SH3GL1: variants seen among roughly 807,000 people sequenced by gnomAD.
The protein encoded by SH3GL1 is SH3 domain containing GRB2 like 1, endophilin A2.
Under a neutral mutation model 48.8 loss-of-function variants are expected in SH3GL1, and 21 were observed. The observed-to-expected ratio is 0.43, with a 90% CI of 0.30 to 0.62. The LOEUF (loss-of-function observed/expected upper bound fraction) is 0.62. Ranked by LOEUF, SH3GL1 falls within the 20% of genes least tolerant of loss-of-function variation. The pLI, the probability that SH3GL1 is intolerant of heterozygous loss-of-function variation, is 0.11. For missense variants in SH3GL1, 454 were observed against 503.0 expected (o/e 0.90, Z 0.93); for synonymous variants, 282 against 217.5 (o/e 1.30, Z -2.61).
In SH3GL1 at chr19:4,384,600, C is replaced by T. The variant is rs941832325; in HGVS notation, c.45+15724G>A. ...CAGATGATCATATTAAGCAAGGTAC[C>T]GCACTGGAGAAGCTCTCAGATACAT... is the stretch of plus-strand genomic sequence containing the variant. On this transcript the variant is annotated intron_variant, in intron 1 of 9. Coordinates refer to ENST00000269886, the MANE Select transcript of SH3GL1 (RefSeq NM_003025.4). 4.6e-5 allele frequency among the ~76,000 whole-genome samples: 7 copies of T among 152,234 alleles called. No homozygotes were observed. The East Asian group carries it at 9.7e-4, about 21-fold the overall frequency.
chr19:4,361,395 T>C lies in SH3GL1; in HGVS notation c.*205A>G, dbSNP rs1972606407. ...CGTCACCGTTGGGAGTCAGCGCTAG[T>C]GTAAACAGGCATCCCCACCCACCCA... On this transcript the variant is annotated 3_prime_UTR_variant, in exon 10 of 10. Coordinates refer to ENST00000269886, the MANE Select transcript of SH3GL1 (RefSeq NM_003025.4). 1 of 584,780 alleles carries C rather than the reference T, an allele frequency of 1.7e-6. No individual in the cohort carries two copies. Among genetic ancestry groups the C allele is most frequent in the South Asian group, 2.1e-5 (1 of 48,454 alleles). 36.2% of individuals were successfully genotyped at this position (584,780 alleles called of 1,614,324 possible).
intron 1 of SH3GL1, among the ~76,000 whole-genome samples, chr19:4,392,798 T>A (rs1973361593): frequency 6.6e-6 from 1 of 151,322 alleles, no homozygotes; most frequent in Admixed American, 6.6e-5. Flanking sequence ...AAAAATTAGC[T>A]GGGCATGGTG....
intron 1 of SH3GL1, among the ~76,000 whole-genome samples, chr19:4,381,771 C>T (rs1030904548): frequency 1.4e-5 from 2 of 138,988 alleles, no homozygotes; most frequent in Non-Finnish European, 3.0e-5. Flanking sequence ...TGGCTCACTG[C>T]AAGCTCCACC....
intron 1 of SH3GL1, among the ~76,000 whole-genome samples, chr19:4,393,647 G>A (rs1034408830): frequency 6.6e-6 from 1 of 151,824 alleles, no homozygotes; most frequent in African/African-American, 2.4e-5. Flanking sequence ...AAAATGAGCT[G>A]GGCGTGGTGG....
At chr19:4,392,718 G>A (rs9973266) in intron 1 of SH3GL1, among the ~76,000 whole-genome samples, 28,444 of 152,074 alleles carry the variant, frequency 0.19, 3,070 homozygotes, top group Admixed American at 0.27. Context: ...AGGCCAAGGC[G>A]GGCGGATCAC....
At chr19:4,364,295 T>A in intron 4 of SH3GL1, 74 bp from the exon 5 acceptor site, 1 of 1,582,274 alleles carries the variant, frequency 6.3e-7, no homozygotes, top group South Asian at 1.1e-5. Flanking sequence ...TCAGCCTTTG[T>A]TTTTGAAATA....
At chr19:4,368,258 C>T (rs186115694) in intron 1 of SH3GL1, among the ~76,000 whole-genome samples, 456 of 152,360 alleles carry the variant, frequency 3.0e-3, no homozygotes, top group African/African-American at 9.7e-3. Context: ...TGGTGCCACA[C>T]TGCGTTGGCT....
At chr19:4,397,512 G>T (rs1040958740) in intron 1 of SH3GL1, among the ~76,000 whole-genome samples, 1 of 152,226 alleles carries the variant, frequency 6.6e-6, no homozygotes, top group Non-Finnish European at 1.5e-5. Flanking sequence ...CTGATCGCTG[G>T]GAGTGGGGGT....
chr19:4,362,224 C>T lies in SH3GL1; in HGVS notation c.910+105G>A, dbSNP rs182886537. On this transcript the variant is annotated intron_variant, in intron 9 of 9. Coordinates refer to ENST00000269886, the MANE Select transcript of SH3GL1 (RefSeq NM_003025.4). ...CCCCCTACTGCTGCACGAGCCTGGC[C>T]CCTCCCTGCTTGAGATGGGCAGAGA... is the stretch of plus-strand genomic sequence containing the variant. 1,298 of 1,193,308 alleles carry T rather than the reference C, an allele frequency of 1.1e-3. 7 individuals are homozygous for T. In the African/African-American group the frequency reaches 0.012, roughly 11 times the overall value. 73.9% of individuals were successfully genotyped at this position (1,193,308 alleles called of 1,614,324 possible).
At chr19:4,362,497 A>G in intron 8 of SH3GL1, 112 bp from the exon 9 acceptor site, 2 of 1,574,736 alleles carry the variant, frequency 1.3e-6, no homozygotes, top group South Asian at 1.1e-5. Flanking sequence ...CAGATGGAGC[A>G]CGGCTGAGAG....
At chr19:4,368,146 G>A (rs566864715) in intron 1 of SH3GL1, among the ~76,000 whole-genome samples, 36 of 152,298 alleles carry the variant, frequency 2.4e-4, no homozygotes, top group African/African-American at 7.5e-4. Context: ...GTTGCGTGCC[G>A]TGGGCCATGG....
At chr19:4,392,518 T>TCTCACA (rs1163613633) in intron 1 of SH3GL1, among the ~76,000 whole-genome samples, 3 of 137,766 alleles carry the variant, frequency 2.2e-5, no homozygotes, top group African/African-American at 8.3e-5. Flanking sequence ...CAAGACTCCG[T>TCTCACA]CACACACACA....
Position 4,364,894 on chromosome 19 carries a change from GTGTGTATATA to G in SH3GL1, c.331+578_331+587del, listed in dbSNP as rs1227208575. Among the ~76,000 whole-genome samples the G allele has an allele frequency of 3.2e-3, 358 of 113,168 alleles. 5 individuals carry two copies. Among genetic ancestry groups the G allele is most frequent in the African/African-American group, 0.012 (323 of 26,534 alleles). 74.2% of individuals were successfully genotyped at this position (113,168 alleles called of 152,430 possible). ...TGTGTGTGTGTGTGTGTGTGTGTGTGTGTGTATATATATATATATATATTTTTTTTTTTTT... is the reference window on the plus strand; with the variant it reads ...TGTGTGTGTGTGTGTGTGTGTGTGTGTATATATATATATTTTTTTTTTTTT... On this transcript the variant is annotated intron_variant, in intron 4 of 9. Coordinates refer to ENST00000269886, the MANE Select transcript of SH3GL1 (RefSeq NM_003025.4).
intron 1 of SH3GL1, among the ~76,000 whole-genome samples, chr19:4,387,098 A>G (rs1973249829): frequency 1.3e-5 from 2 of 151,834 alleles, no homozygotes; most frequent in African/African-American, 4.8e-5. Context: ...CACCACATCC[A>G]GTTAATTCTT....
intron 1 of SH3GL1, among the ~76,000 whole-genome samples, chr19:4,397,087 A>T (rs953351613): frequency 5.9e-5 from 9 of 152,198 alleles, no homozygotes; most frequent in African/African-American, 2.2e-4. Context: ...AGAGGGTGAA[A>T]GAGTTGTTAT....
chr19:4,395,525 C>T (rs1057215657), intron 1 of SH3GL1: 2 of 152,150 alleles, frequency 1.3e-5, no homozygotes, highest in African/African-American at 4.8e-5. Context: ...TGTCAATTAC[C>T]AGGAAATACA....
At position 4,361,368 on chromosome 19, in the gene SH3GL1, G is replaced by GCCGTCA; in HGVS notation, c.*226_*231dup. ...CTGGCGCCATGGAGTGGGGAAGGGAGCCGTCACCGTTGGGAGTCAGCGCTA... is the reference window on the plus strand; with the variant it reads ...CTGGCGCCATGGAGTGGGGAAGGGAGCCGTCACCGTCACCGTTGGGAGTCAGCGCTA... On this transcript the variant is annotated 3_prime_UTR_variant, in exon 10 of 10. Coordinates refer to ENST00000269886, the MANE Select transcript of SH3GL1 (RefSeq NM_003025.4). 1 of 540,142 alleles carries GCCGTCA rather than the reference G, an allele frequency of 1.9e-6. No homozygotes were observed. Among genetic ancestry groups the GCCGTCA allele is most frequent in the Non-Finnish European group, 3.3e-6 (1 of 304,400 alleles). 33.5% of individuals were successfully genotyped at this position (540,142 alleles called of 1,614,324 possible).
At chr19:4,395,395 C>A (rs1973407565) in intron 1 of SH3GL1, 1 of 152,188 alleles carries the variant, frequency 6.6e-6, no homozygotes, top group Non-Finnish European at 1.5e-5. Flanking sequence ...CAGCAGCAGA[C>A]ATGGTTATTC....
At chr19:4,374,533 T>A (rs1972967015) in intron 1 of SH3GL1, among the ~76,000 whole-genome samples, 1 of 152,212 alleles carries the variant, frequency 6.6e-6, no homozygotes, top group Non-Finnish European at 1.5e-5. Flanking sequence ...GTGCAGGGCC[T>A]GCATCCCGGA....
Sources: allele counts gnomAD v4.1 joint callset (sites outside exome capture counted in the v4.1 genomes callset), GRCh38; gene constraint gnomAD v4.1.1; transcripts MANE v1.5; gene names NCBI Gene and HGNC (gene_info 2026-07-23, HGNC 2026-07-21).